The following CALN1 variants were observed in gnomAD, a reference collection of about 807,000 sequenced individuals.
CALN1 encodes the protein calcium-binding protein 8.
In CALN1, 17 loss-of-function variants were observed where a neutral mutation model predicts 30.6. That is an observed-to-expected ratio of 0.56 (90% confidence interval 0.38 to 0.83). The LOEUF (loss-of-function observed/expected upper bound fraction) is 0.83, where lower values mean the gene tolerates loss of function less well. Ranked by LOEUF, CALN1 falls within the 40% of genes least tolerant of loss-of-function variation. The pLI is 0.00. For missense variants in CALN1, 291 were observed against 354.9 expected (o/e 0.82, Z 1.45); for synonymous variants, 156 against 131.4 (o/e 1.19, Z -1.28).
intron 4 of CALN1, among the ~76,000 whole-genome samples, chr7:72,095,000 CGT>C (rs966705313): frequency 2.1e-4 from 32 of 152,096 alleles, no homozygotes; most frequent in African/African-American, 7.0e-4. Flanking sequence ...GACTCAGGGG[CGT>C]GTGTGTGTGT....
intron 2 of CALN1, among the ~76,000 whole-genome samples, chr7:72,386,554 G>C (rs956423): frequency 3.3e-5 from 5 of 152,106 alleles, no homozygotes; most frequent in African/African-American, 9.7e-5. Flanking sequence ...ACTGAAGTGG[G>C]GGTTTCCAGT....
At chr7:71,812,704 T>C (rs931755930) in intron 5 of CALN1, among the ~76,000 whole-genome samples, 1 of 152,110 alleles carries the variant, frequency 6.6e-6, no homozygotes, top group Admixed American at 6.6e-5. Flanking sequence ...GATCTTGTTA[T>C]CTTCCTATCC....
intron 4 of CALN1, among the ~76,000 whole-genome samples, chr7:72,067,040 C>T (rs964770121): frequency 1.3e-5 from 2 of 152,034 alleles, no homozygotes; most frequent in Admixed American, 6.5e-5. Context: ...CCACCCACCT[C>T]GGCCTCCCAA....
At chr7:72,469,439 C>T in the CALN1 span, among the ~76,000 whole-genome samples, 1 of 152,172 alleles carries the variant, frequency 6.6e-6, no homozygotes, top group Admixed American at 6.5e-5. Flanking sequence ...CTCTGTCACC[C>T]AGGCTGGAGA....
At chr7:72,397,386 A>C (rs541579567) in intron 2 of CALN1, among the ~76,000 whole-genome samples, 28 of 152,288 alleles carry the variant, frequency 1.8e-4, no homozygotes, top group African/African-American at 6.5e-4. Flanking sequence ...TCAAGAGGAT[A>C]GAAGGTCACA....
intron 3 of CALN1, among the ~76,000 whole-genome samples, chr7:72,137,338 G>T (rs1210363788): frequency 6.6e-6 from 1 of 152,146 alleles, no homozygotes; most frequent in Non-Finnish European, 1.5e-5. Context: ...GTGGTGTTTT[G>T]TTCAAGATGG....
At chr7:72,018,635 G>A (rs141018009) in intron 5 of CALN1, among the ~76,000 whole-genome samples, 27 of 152,186 alleles carry the variant, frequency 1.8e-4, no homozygotes, top group Middle Eastern at 3.4e-3. Flanking sequence ...CATCCTCCCC[G>A]GAAAGGAAGC....
chr7:72,393,825 C>T (rs1477516418), intron 2 of CALN1, among the ~76,000 whole-genome samples: 1 of 150,538 alleles, frequency 6.6e-6, no homozygotes, highest in Non-Finnish European at 1.5e-5. Flanking sequence ...GCTCAGCTCA[C>T]TGCAATCTCC....
At chr7:72,485,754 C>T in the CALN1 span, among the ~76,000 whole-genome samples, 1 of 152,072 alleles carries the variant, frequency 6.6e-6, no homozygotes, top group African/African-American at 2.4e-5. Flanking sequence ...ACCTGTAATC[C>T]CAGCTACTCC....
At chr7:72,366,686 A>G (rs1803896141) in intron 2 of CALN1, among the ~76,000 whole-genome samples, 1 of 152,140 alleles carries the variant, frequency 6.6e-6, no homozygotes, top group Admixed American at 6.6e-5. Context: ...GAATATTATT[A>G]ATTGACATGA....
intron 4 of CALN1, among the ~76,000 whole-genome samples, chr7:72,061,810 A>G (rs1803671925): frequency 6.6e-6 from 1 of 150,736 alleles, no homozygotes; most frequent in Admixed American, 6.6e-5. Flanking sequence ...AAAAAAAAAA[A>G]AAAAAAAAGA....
chr7:72,403,472 T>C (rs1034731994), intron 1 of CALN1, 30 bp from the exon 2 acceptor site: 1 of 856,812 alleles, frequency 1.2e-6, no homozygotes, highest in Admixed American at 2.7e-5. Context: ...ACTTACAGCC[T>C]GCACAGTGCT....
intron 4 of CALN1, among the ~76,000 whole-genome samples, chr7:72,044,474 T>A (rs747283499): frequency 4.6e-5 from 7 of 151,890 alleles, no homozygotes; most frequent in Non-Finnish European, 1.0e-4. Flanking sequence ...CAGGGATCCA[T>A]ATGGAAGAGA....
At chr7:72,233,809 GC>G (rs1794278970) in intron 3 of CALN1, among the ~76,000 whole-genome samples, 1 of 152,144 alleles carries the variant, frequency 6.6e-6, no homozygotes. Flanking sequence ...TTCAAGACCA[GC>G]CTGGGCAACA....
rs531521761 is a variant in CALN1, at chr7:72,144,140, G to A, written c.245-37846C>T. Among the ~76,000 whole-genome samples the A allele has an allele frequency of 2.0e-5, 3 of 152,218 alleles. No homozygotes were observed. The East Asian group carries it at 5.8e-4, about 29-fold the overall frequency. ...ACACATAACAATATTAACTTTAAAT[G>A]TAAATGGACTAAATGCTCCAATTAA... On this transcript the variant is annotated intron_variant, in intron 3 of 6. Coordinates refer to ENST00000395275, the MANE Select transcript of CALN1 (RefSeq NM_031468.4).
intron 4 of CALN1, among the ~76,000 whole-genome samples, chr7:72,049,869 G>A (rs939705762): frequency 1.3e-5 from 2 of 150,144 alleles, no homozygotes; most frequent in Non-Finnish European, 3.0e-5. Context: ...GAGTGCAGTG[G>A]TGCAATCTCG....
At chr7:72,009,394 AC>A (rs1799946711) in intron 5 of CALN1, among the ~76,000 whole-genome samples, 1 of 152,226 alleles carries the variant, frequency 6.6e-6, no homozygotes, top group African/African-American at 2.4e-5. Context: ...AAAATGGGCT[AC>A]CATGACAACT....
chr7:71,963,662 CT>C (rs1270115754), intron 5 of CALN1, among the ~76,000 whole-genome samples: 1 of 152,126 alleles, frequency 6.6e-6, no homozygotes. Context: ...CCAAATTCCA[CT>C]TTTTTTCCCT....
At chr7:71,824,156 C>T (rs1173041917) in intron 5 of CALN1, among the ~76,000 whole-genome samples, 3 of 152,146 alleles carry the variant, frequency 2.0e-5, no homozygotes. Context: ...GCCCAGGTGC[C>T]AGGCCTCTCT....
Sources: gnomAD v4.1 joint callset for allele counts (sites outside exome capture counted in the v4.1 genomes callset) on GRCh38, gnomAD v4.1.1 for gene constraint, MANE v1.5 for transcripts, NCBI Gene and HGNC (gene_info 2026-07-23, HGNC 2026-07-21) for gene names.